The following TTLL11 variants were observed in gnomAD, a reference collection of about 807,000 sequenced individuals.
TTLL11 encodes the protein tubulin tyrosine ligase like 11.
In TTLL11, 42 loss-of-function variants were observed where a neutral mutation model predicts 51.7. That is an observed-to-expected ratio of 0.81 (90% confidence interval 0.64 to 1.05). TTLL11 has a LOEUF of 1.05. TTLL11 is among the 50% of genes least tolerant of loss of function. TTLL11 has a pLI of 0.00. For synonymous variants in TTLL11, 381 were observed against 383.5 expected (o/e 0.99, Z 0.08); for missense variants, 799 against 940.4 (o/e 0.85, Z 1.97).
At chr9:122,078,389 G>A (rs1845913387) in intron 1 of TTLL11, among the ~76,000 whole-genome samples, 1 of 152,074 alleles carries the variant, frequency 6.6e-6, no homozygotes, top group South Asian at 2.1e-4. Context: ...GAAAAGATGA[G>A]GTAAAACTTA....
Position 122,076,456 on chromosome 9 carries a change from C to T in TTLL11, c.462+16231G>A, listed in dbSNP as rs761777193. Among the ~76,000 whole-genome samples the T allele has an allele frequency of 5.4e-4, 82 of 152,188 alleles. 1 individual carries two copies. Among genetic ancestry groups the T allele is most frequent in the Non-Finnish European group, 9.7e-4 (66 of 68,050 alleles). ...GGAAGCAAACCTTCTGTGTTTTGGC[C>T]TTGCCTCAGGAAAGGGGAAATAAAA... On this transcript the variant is annotated intron_variant, in intron 1 of 8. Transcript: ENST00000321582.
At chr9:121,921,313 T>G (rs1488386040) in intron 6 of TTLL11, among the ~76,000 whole-genome samples, 3 of 152,196 alleles carry the variant, frequency 2.0e-5, no homozygotes, top group African/African-American at 7.2e-5. Context: ...ACAAGGCCAG[T>G]AGGCAGAGAT....
In TTLL11 at chr9:121,822,707, C is replaced by A; in HGVS notation, c.2013G>T (p.Arg671=). The A allele has an allele frequency of 6.5e-7, 1 of 1,549,726 alleles. No homozygotes were observed. The highest frequency in any genetic ancestry group is 8.7e-7 in the Non-Finnish European group (1 of 1,146,688). Residue 671 remains arginine, a synonymous_variant, in exon 9 of 9, where the codon CGG becomes CGT. Transcript: ENST00000321582. This position sits in a 1 kb window ranked among gnomAD's most constrained non-coding sequence, Gnocchi z 5.8. ...VCGRGVPSGG[R]PPHRGPPQEP... is the part of the protein sequence containing the mutation. Reference sequence around the variant, plus strand: ...CCTGGGGAGGGCCACGGTGTGGGGGCCGGCCCCCCGACGGGACGCCCCGGC... The same window carrying A: ...CCTGGGGAGGGCCACGGTGTGGGGGACGGCCCCCCGACGGGACGCCCCGGC...
chr9:121,913,437 C>T (rs1840217219), intron 6 of TTLL11, among the ~76,000 whole-genome samples: 1 of 152,200 alleles, frequency 6.6e-6, no homozygotes, highest in Non-Finnish European at 1.5e-5. Context: ...TGAAAATTTA[C>T]AGCTGATATT....
chr9:121,980,632 C>T (rs141447049), intron 4 of TTLL11, among the ~76,000 whole-genome samples: 1 of 152,336 alleles, frequency 6.6e-6, no homozygotes, highest in East Asian at 1.9e-4. Context: ...TCTAGTTCTA[C>T]CATTTGACCC....
chr9:121,963,115 A>G (rs1304710812), intron 6 of TTLL11, among the ~76,000 whole-genome samples: 2 of 148,548 alleles, frequency 1.3e-5, no homozygotes, highest in African/African-American at 4.9e-5. Context: ...CGATGTCCTC[A>G]TCTATAAAAT....
At chr9:121,855,920 T>G (rs1837803166) in intron 8 of TTLL11, among the ~76,000 whole-genome samples, 1 of 152,200 alleles carries the variant, frequency 6.6e-6, no homozygotes, top group Non-Finnish European at 1.5e-5. Flanking sequence ...GCAACCTTCC[T>G]CTGTTGCTTC....
chr9:121,842,941 G>C (rs1193940955), intron 8 of TTLL11, among the ~76,000 whole-genome samples: 3 of 152,166 alleles, frequency 2.0e-5, no homozygotes, highest in African/African-American at 7.2e-5. Context: ...TTTCTTCTCT[G>C]TAACCTGGAG....
In TTLL11 at chr9:122,044,149, G is replaced by A. The variant is rs558121468; in HGVS notation, c.463-4781C>T. 3.9e-4 allele frequency among the ~76,000 whole-genome samples: 60 copies of A among 152,192 alleles called. 2 individuals are homozygous for A. The South Asian group carries it at 0.012, about 29-fold the overall frequency. On this transcript the variant is annotated intron_variant, in intron 1 of 8. Coordinates refer to ENST00000321582, the MANE Select transcript of TTLL11 (RefSeq NM_001139442.2). ...TTGCGATAGTTTGCTGAGAATGATG[G>A]TTTCCAGCTTCATCCATGTCCCTAT...
chr9:121,969,827 T>A (rs1371363096), intron 6 of TTLL11, among the ~76,000 whole-genome samples: 1 of 152,206 alleles, frequency 6.6e-6, no homozygotes, highest in Admixed American at 6.5e-5. Context: ...GATTCAGCAC[T>A]ACAACACTGT....
chr9:121,923,566 C>G (rs767400857), intron 6 of TTLL11, among the ~76,000 whole-genome samples: 3 of 152,160 alleles, frequency 2.0e-5, no homozygotes, highest in Non-Finnish European at 2.9e-5. Context: ...AACCTCTGAG[C>G]CAGGCATTGT....
chr9:121,998,275 TTTTGTTTTGTTTG>T (rs1035503307), intron 3 of TTLL11, among the ~76,000 whole-genome samples: 3 of 152,002 alleles, frequency 2.0e-5, no homozygotes, highest in African/African-American at 7.3e-5. Flanking sequence ...GTTTTTTTCA[TTTTGTTTTGTTTG>T]TTTGTTTTGT....
chr9:121,945,216 G>A (rs1352561553), intron 6 of TTLL11, among the ~76,000 whole-genome samples: 1 of 152,016 alleles, frequency 6.6e-6, no homozygotes, highest in Non-Finnish European at 1.5e-5. Context: ...AATCCCAGAT[G>A]ATCTCTTTTA....
chr9:121,948,557 C>A (rs1160188548), intron 6 of TTLL11, among the ~76,000 whole-genome samples: 1 of 152,176 alleles, frequency 6.6e-6, no homozygotes, highest in Non-Finnish European at 1.5e-5. Context: ...CGGCACAGGA[C>A]TAAACAAGCA....
intron 4 of TTLL11, among the ~76,000 whole-genome samples, chr9:121,984,555 C>G (rs938235589): frequency 6.6e-6 from 1 of 152,058 alleles, no homozygotes; most frequent in Non-Finnish European, 1.5e-5. Context: ...AAACCCAGGC[C>G]GTCTAAGAAC....
At chr9:122,001,255 C>T (rs1169303105) in intron 3 of TTLL11, among the ~76,000 whole-genome samples, 4 of 152,128 alleles carry the variant, frequency 2.6e-5, no homozygotes, top group Admixed American at 2.6e-4. Flanking sequence ...ACCAACACAC[C>T]TGGCCAATTT....
chr9:121,913,393 C>T (rs1056965034), intron 6 of TTLL11, among the ~76,000 whole-genome samples: 1 of 152,150 alleles, frequency 6.6e-6, no homozygotes, highest in African/African-American at 2.4e-5. Context: ...ACATCACTGT[C>T]CCCAGCACAG....
chr9:121,895,388 TTG>T (rs759806964), intron 6 of TTLL11, among the ~76,000 whole-genome samples: 68 of 151,528 alleles, frequency 4.5e-4, no homozygotes, highest in South Asian at 1.3e-3. Flanking sequence ...GGTTGTATGA[TTG>T]TGTGTTTGTG....
chr9:121,852,162 CT>C (rs1837681489), intron 8 of TTLL11, among the ~76,000 whole-genome samples: 1 of 152,190 alleles, frequency 6.6e-6, no homozygotes, highest in South Asian at 2.1e-4. Context: ...AGTGTGTGCA[CT>C]GTGTGGACAA....
Sources: gnomAD v4.1 joint callset for allele counts (sites outside exome capture counted in the v4.1 genomes callset) on GRCh38, gnomAD v4.1.1 for gene constraint, Gnocchi (gnomAD v3.1) non-coding constraint, MANE v1.5 for transcripts, NCBI Gene and HGNC (gene_info 2026-07-23, HGNC 2026-07-21) for gene names.